The following ATF7 variants were observed in gnomAD, a reference collection of about 807,000 sequenced individuals.
ATF7 encodes cyclic AMP-dependent transcription factor ATF-7.
A neutral mutation model predicts 50.4 loss-of-function variants in ATF7; 10 were observed. The ratio of observed to expected loss-of-function variants is 0.20; its 90% CI spans 0.12 to 0.34. The LOEUF is 0.34. Ranked by LOEUF, ATF7 falls within the 10% of genes least tolerant of loss-of-function variation. The pLI, the probability that ATF7 is intolerant of heterozygous loss-of-function variation, is 1.00. For synonymous variants in ATF7, 201 were observed against 226.4 expected (o/e 0.89, Z 1.01); for missense variants, 465 against 613.9 (o/e 0.76, Z 2.56).
intron 2 of ATF7, 128 bp downstream of exon 2, chr12:53,600,825 C>A: frequency 1.1e-6 from 1 of 882,878 alleles, no homozygotes; most frequent in Admixed American, 2.4e-5. Context: ...TTACACACTG[C>A]AAATCCTCTG....
chr12:53,583,691 T>A (rs1942543419), intron 2 of ATF7, among the ~76,000 whole-genome samples: 1 of 152,074 alleles, frequency 6.6e-6, no homozygotes, highest in Non-Finnish European at 1.5e-5. Context: ...ACTAAGTAAT[T>A]GATAAGCTGG....
intron 2 of ATF7, among the ~76,000 whole-genome samples, chr12:53,598,038 A>G (rs1473558435): frequency 1.3e-5 from 2 of 152,200 alleles, no homozygotes; most frequent in Admixed American, 1.3e-4. Flanking sequence ...GATTACAAAT[A>G]GTTTGAAAGG....
At chr12:53,618,141 CT>C (rs1167527639) in intron 1 of ATF7, among the ~76,000 whole-genome samples, 24 of 152,070 alleles carry the variant, frequency 1.6e-4, no homozygotes, top group Non-Finnish European at 2.8e-4. Context: ...ATTTATGTTC[CT>C]TACTTGTGTT....
At chr12:53,598,712 G>A (rs887059946) in intron 2 of ATF7, among the ~76,000 whole-genome samples, 2 of 152,132 alleles carry the variant, frequency 1.3e-5, no homozygotes, top group African/African-American at 4.8e-5. Flanking sequence ...AGCCTGAAAA[G>A]GTGTTATTTA....
At chr12:53,531,279 G>C (rs897514889) in intron 9 of ATF7, among the ~76,000 whole-genome samples, 1 of 152,030 alleles carries the variant, frequency 6.6e-6, no homozygotes, top group African/African-American at 2.4e-5. Flanking sequence ...AAAATTAGCT[G>C]GCCATGGTGG....
chr12:53,518,728 G>A (rs537831506), intron 11 of ATF7, among the ~76,000 whole-genome samples: 2 of 152,308 alleles, frequency 1.3e-5, no homozygotes, highest in East Asian at 1.9e-4. Flanking sequence ...CTGACATCCT[G>A]ATGAATGCCT....
intron 2 of ATF7, among the ~76,000 whole-genome samples, chr12:53,572,684 C>T (rs988627853): frequency 6.6e-6 from 1 of 152,106 alleles, no homozygotes; most frequent in African/African-American, 2.4e-5. Context: ...AGGTGGCTCA[C>T]ACCTATAATT....
chr12:53,508,571 T>A (rs116024463), downstream of ATF7, among the ~76,000 whole-genome samples: 1 of 139,648 alleles, frequency 7.2e-6, no homozygotes, highest in Non-Finnish European at 1.6e-5. Context: ...AAAAAAAAAA[T>A]TATTAAGATA....
chr12:53,519,905 C>A (rs1011612380), intron 11 of ATF7, among the ~76,000 whole-genome samples: 22 of 152,138 alleles, frequency 1.4e-4, no homozygotes, highest in African/African-American at 4.1e-4. Flanking sequence ...CGCCACCATG[C>A]CTGGCTGATT....
intron 4 of ATF7, among the ~76,000 whole-genome samples, chr12:53,542,242 G>A (rs909236470): frequency 2.0e-5 from 3 of 150,848 alleles, no homozygotes; most frequent in Non-Finnish European, 4.4e-5. Context: ...TGGCTAACAC[G>A]GTGAAACCCC....
At chr12:53,566,546 AACAAGAG>A (rs1941453581) in intron 2 of ATF7, among the ~76,000 whole-genome samples, 1 of 152,200 alleles carries the variant, frequency 6.6e-6, no homozygotes, top group Non-Finnish European at 1.5e-5. Context: ...GGAAAGCCAG[AACAAGAG>A]AGTTCCTGAT....
rs1939817160 is a variant in ATF7 at position 53,545,106 on chromosome 12, G to A, written c.146-1658C>T. Among the ~76,000 whole-genome samples the A allele has an allele frequency of 2.6e-5, 4 of 152,134 alleles. No individual in the cohort carries two copies. In the South Asian group the frequency reaches 8.3e-4, roughly 32 times the overall value. The stretch of plus-strand genomic sequence containing the variant: ...GGCTATGGCAGAGGAGGGACTTTCA[G>A]ACCTTTGATATGAGGTTCAAACGAA... On this transcript the variant is annotated intron_variant, in intron 3 of 11. Coordinates refer to ENST00000420353, the MANE Select transcript of ATF7 (RefSeq NM_006856.3).
At chr12:53,519,379 C>T (rs1041506203) in intron 11 of ATF7, among the ~76,000 whole-genome samples, 1 of 152,124 alleles carries the variant, frequency 6.6e-6, no homozygotes, top group African/African-American at 2.4e-5. Flanking sequence ...CTATACCACA[C>T]AGCAGGAACT....
At chr12:53,620,525 G>A (rs1354252947) in intron 1 of ATF7, among the ~76,000 whole-genome samples, 3 of 140,042 alleles carry the variant, frequency 2.1e-5, no homozygotes, top group Admixed American at 7.5e-5. Flanking sequence ...GCAGTGAGCC[G>A]AGATCCCGCC....
Position 53,524,870 on chromosome 12 carries a change from T to G in ATF7, c.928-109A>C. Reference sequence around the variant, plus strand: ...GATCTGGTAAAAGGATATACCAGCCTCTGGTAACCACAGCAAGTCTCATTA... The same window carrying G: ...GATCTGGTAAAAGGATATACCAGCCGCTGGTAACCACAGCAAGTCTCATTA... On this transcript the variant is annotated intron_variant, in intron 9 of 11. Coordinates refer to ENST00000420353, the MANE Select transcript of ATF7 (RefSeq NM_006856.3). The surrounding 1 kb of genome is among the most constrained non-coding windows in gnomAD (Gnocchi z 4.6). The G allele has an allele frequency of 3.9e-6, 4 of 1,031,394 alleles. No homozygotes were observed. The highest frequency in any genetic ancestry group is 5.4e-6 in the Non-Finnish European group (4 of 734,228). The allele number at this position is 1,031,394 out of a possible 1,614,324, so 63.9% of individuals were successfully genotyped here.
intron 1 of ATF7, among the ~76,000 whole-genome samples, chr12:53,606,321 TCAC>T (rs1943604166): frequency 6.6e-6 from 1 of 152,080 alleles, no homozygotes; most frequent in African/African-American, 2.4e-5. Flanking sequence ...TGATCTCGGC[TCAC>T]CACAACCTCT....
At chr12:53,577,212 C>A (rs532217200) in intron 2 of ATF7, among the ~76,000 whole-genome samples, 1 of 151,850 alleles carries the variant, frequency 6.6e-6, no homozygotes, top group Non-Finnish European at 1.5e-5. Flanking sequence ...CTTGAGCCCA[C>A]GAGTTTGAGA....
intron 2 of ATF7, among the ~76,000 whole-genome samples, chr12:53,584,233 T>C (rs946670025): frequency 3.3e-5 from 5 of 152,182 alleles, no homozygotes; most frequent in African/African-American, 1.2e-4. Flanking sequence ...CCACCCGCCT[T>C]GGCCTTCCAA....
At chr12:53,595,164 T>C (rs1943102995) in intron 2 of ATF7, among the ~76,000 whole-genome samples, 2 of 152,224 alleles carry the variant, frequency 1.3e-5, no homozygotes, top group Non-Finnish European at 1.5e-5. Flanking sequence ...AAAATTAGAA[T>C]TTTAAAAAAC....
Sources: allele counts gnomAD v4.1 joint callset (sites outside exome capture counted in the v4.1 genomes callset), GRCh38; gene constraint gnomAD v4.1.1; non-coding constraint Gnocchi (gnomAD v3.1); transcripts MANE v1.5; gene names NCBI Gene and HGNC (gene_info 2026-07-23, HGNC 2026-07-21).